BRSK1: variants seen among roughly 807,000 people sequenced by gnomAD.
The protein encoded by BRSK1 is BR serine/threonine kinase 1.
A neutral mutation model predicts 86.2 loss-of-function variants in BRSK1; 17 were observed. The observed-to-expected ratio is 0.20, with a 90% CI of 0.14 to 0.30. The LOEUF is 0.30. BRSK1 is among the 10% of genes least tolerant of loss of function. The pLI is 1.00. For missense variants in BRSK1, 719 were observed against 1,071.9 expected, an observed-to-expected ratio of 0.67 and a Z score of 4.60; for synonymous variants, 464 against 440.1, an observed-to-expected ratio of 1.05 and a Z score of -0.68.
rs1323760896 is a variant in BRSK1 at position 55,284,340 on chromosome 19, G to A, written c.-103G>A. The stretch of plus-strand genomic sequence containing the variant: ...ACCCCCGGAGAGGTGGGGGGCAGCC[G>A]GGGGGGCCGGGACGGAGCGGTCGCC... On this transcript the variant is annotated 5_prime_UTR_variant, in exon 1 of 19. Coordinates refer to ENST00000309383, the MANE Select transcript of BRSK1 (RefSeq NM_032430.2). The A allele has an allele frequency of 8.2e-6, 7 of 848,514 alleles. No homozygotes were observed. Among genetic ancestry groups the A allele is most frequent in the African/African-American group, 3.6e-5 (2 of 55,850 alleles). 52.6% of individuals were successfully genotyped at this position (848,514 alleles called of 1,614,324 possible).
intron 17 of BRSK1, among the ~76,000 whole-genome samples, chr19:55,308,092 C>T (rs2088690722): frequency 6.7e-6 from 1 of 148,706 alleles, no homozygotes; most frequent in African/African-American, 2.5e-5. Flanking sequence ...GTGATCTGGG[C>T]TCACTGCAAC....
chr19:55,298,359 A>T (rs1036938043), intron 7 of BRSK1, among the ~76,000 whole-genome samples: 2 of 150,954 alleles, frequency 1.3e-5, no homozygotes, highest in Non-Finnish European at 2.9e-5. Flanking sequence ...TTTAGTAGAG[A>T]TGGGGTTTCA....
chr19:55,284,225 G>T lies in BRSK1; in HGVS notation c.-218G>T. Reference sequence around the variant, plus strand: ...CCCCGCAGCCCCCCTGGGCCATGCTGACTCCCGGGGCCTGACCCCCCCGGG... The same window carrying T: ...CCCCGCAGCCCCCCTGGGCCATGCTTACTCCCGGGGCCTGACCCCCCCGGG... On this transcript the variant is annotated 5_prime_UTR_variant, in exon 1 of 19. An upstream open reading frame in the 5' UTR loses its in-frame stop. Transcript: ENST00000309383. The T allele has an allele frequency of 1.6e-6, 1 of 607,066 alleles. No individual in the cohort carries two copies. The highest frequency in any genetic ancestry group is 8.3e-5 in the South Asian group (1 of 12,002). The allele number at this position is 607,066 out of a possible 1,614,324, so 37.6% of individuals were successfully genotyped here. A position where few individuals can be genotyped will look rare whatever the true frequency, so the allele number is the denominator to read the frequency against.
At position 55,306,601 on chromosome 19, in the gene BRSK1, G is replaced by T. The variant is rs1031498041; in HGVS notation, c.2089+151G>T. On this transcript the variant is annotated intron_variant, in intron 17 of 18. Coordinates refer to ENST00000309383, the MANE Select transcript of BRSK1 (RefSeq NM_032430.2). This position sits in a 1 kb window ranked among gnomAD's most constrained non-coding sequence, Gnocchi z 4.7. ...TGTGCTCCTCCTGCCCACACAGACC[G>T]CCCCACAAGCCCATCCTCTATTTCC... 9.0e-6 allele frequency: 7 copies of T among 778,268 alleles called. No individual in the cohort carries two copies. Among genetic ancestry groups the T allele is most frequent in the Middle Eastern group, 3.8e-4 (1 of 2,634 alleles). 48.2% of individuals were successfully genotyped at this position (778,268 alleles called of 1,614,324 possible). A position where few individuals can be genotyped will look rare whatever the true frequency, so the allele number is the denominator to read the frequency against.
chr19:55,311,937 C>A lies in BRSK1; in HGVS notation c.2206C>A (p.Pro736Thr), dbSNP rs1421891468. ...ADEKNGAQTR[P>T]AGAPPRSLQP... ...CGAGAAGAACGGGGCCCAGACCCGG[C>A]CTGCTGGTGCCCCACCCCGAAGCCT... Residue 736 changes from proline to threonine, a missense_variant, in exon 19 of 19, where the codon CCT becomes ACT. This residue lies in a region of BRSK1 where 82 missense variants were observed against 72.6 expected (regional missense o/e 1.13). Transcript: ENST00000309383. 3.7e-6 allele frequency: 6 copies of A among 1,611,384 alleles called. No individual in the cohort carries two copies. The highest frequency in any genetic ancestry group is 1.3e-5 in the African/African-American group (1 of 74,860).
chr19:55,288,326 A>G (rs1413599435), intron 3 of BRSK1, among the ~76,000 whole-genome samples: 1 of 151,750 alleles, frequency 6.6e-6, no homozygotes, highest in Non-Finnish European at 1.5e-5. Flanking sequence ...AAATACAAAA[A>G]TTAGCTGAGT....
chr19:55,289,329 T>A (rs909124523), intron 3 of BRSK1, 151 bp from the exon 4 acceptor site: 35 of 891,584 alleles, frequency 3.9e-5, no homozygotes, highest in Non-Finnish European at 5.7e-5. Context: ...AGTCTCTTCC[T>A]CCCAGGGACC....
chr19:55,292,696 T>A (rs2088426159), intron 4 of BRSK1, among the ~76,000 whole-genome samples: 1 of 151,534 alleles, frequency 6.6e-6, no homozygotes, highest in Non-Finnish European at 1.5e-5. Context: ...TAGCTGGGCG[T>A]GGTGGCACAT....
At position 55,304,412 on chromosome 19, in the gene BRSK1, G is replaced by A. The variant is rs1371126979; in HGVS notation, c.1348-139G>A. On this transcript the variant is annotated intron_variant, in intron 13 of 18. Transcript: ENST00000309383. This position sits in a 1 kb window ranked among gnomAD's most constrained non-coding sequence, Gnocchi z 5.2. ...AAGTCTTTGCTATCCTTGCTCTGGG[G>A]CCTGGGAAGGAGGATACTTGGACTA... 9.9e-6 allele frequency: 11 copies of A among 1,111,270 alleles called. No individual in the cohort carries two copies. In the East Asian group the frequency reaches 2.7e-4, roughly 27 times the overall value. 68.8% of individuals were successfully genotyped at this position (1,111,270 alleles called of 1,614,324 possible).
chr19:55,303,450 G>T lies in BRSK1; in HGVS notation c.1126+42G>T. 1 of 1,593,950 alleles carries T rather than the reference G, an allele frequency of 6.3e-7. No individual in the cohort carries two copies. Among genetic ancestry groups the T allele is most frequent in the East Asian group, 2.2e-5 (1 of 44,760 alleles). Reference sequence around the variant, plus strand: ...AGGGGACCAGACACCTGGGTCTCGAGATTGGAAGAGGCTGGCCACGGGGAC... The same window carrying T: ...AGGGGACCAGACACCTGGGTCTCGATATTGGAAGAGGCTGGCCACGGGGAC... On this transcript the variant is annotated intron_variant, in intron 11 of 18. Coordinates refer to ENST00000309383, the MANE Select transcript of BRSK1 (RefSeq NM_032430.2). The surrounding 1 kb of genome is among the most constrained non-coding windows in gnomAD (Gnocchi z 5.1).
At chr19:55,311,883 C>G (rs1348892591) in intron 18 of BRSK1, 28 bp from the exon 19 acceptor site, 1 of 1,608,538 alleles carries the variant, frequency 6.2e-7, no homozygotes, top group African/African-American at 1.3e-5. Flanking sequence ...GCTGCGGAAC[C>G]CACGAAAAAC....
intron 7 of BRSK1, among the ~76,000 whole-genome samples, 168 bp from the exon 8 acceptor site, chr19:55,301,344 A>C (rs192425923): frequency 2.2e-4 from 34 of 152,320 alleles, no homozygotes; most frequent in Admixed American, 3.9e-4. Flanking sequence ...CTCCTTGCCA[A>C]GTGCCTGCTG....
Position 55,289,583 on chromosome 19 carries a change from G to A in BRSK1, c.421G>A (p.Val141Met). The A allele has an allele frequency of 6.2e-7, 1 of 1,614,176 alleles. No individual in the cohort carries two copies. The highest frequency in any genetic ancestry group is 1.1e-5 in the South Asian group (1 of 91,080). The change falls in exon 4 of 19, where the codon GTG (valine) becomes ATG (methionine). Residue 141 changes from valine (V) to methionine (M), a missense_variant. Transcript: ENST00000309383. Reference sequence around the variant, plus strand: ...GGCCCGAAAGTTCTTCCGCCAGATTGTGTCTGCGCTGGACTTCTGCCACAG... The same window carrying A: ...GGCCCGAAAGTTCTTCCGCCAGATTATGTCTGCGCTGGACTTCTGCCACAG... ...KEARKFFRQI[V>M]SALDFCHSYS... is the part of the protein sequence containing the mutation.
chr19:55,286,868 T>A (rs1190632320), intron 1 of BRSK1, 139 bp from the exon 2 acceptor site: 1 of 705,826 alleles, frequency 1.4e-6, no homozygotes, highest in African/African-American at 1.8e-5. Context: ...CCCCAGGAGT[T>A]CAGGTCTGAT....
chr19:55,308,754 G>T, intron 18 of BRSK1, 26 bp downstream of exon 18: 1 of 608,656 alleles, frequency 1.6e-6, no homozygotes, highest in Non-Finnish European at 2.6e-6. Flanking sequence ...GTGGGTGGTG[G>T]GGGGCGTGGG....
Position 55,287,377 on chromosome 19 carries a change from G to A in BRSK1, c.317+78G>A, listed in dbSNP as rs776545069. The A allele has an allele frequency of 1.1e-4, 154 of 1,393,002 alleles. No individual in the cohort carries two copies. Among genetic ancestry groups the A allele is most frequent in the Non-Finnish European group, 1.5e-4 (146 of 985,138 alleles). 86.3% of individuals were successfully genotyped at this position (1,393,002 alleles called of 1,614,324 possible). On this transcript the variant is annotated intron_variant, in intron 3 of 18. Transcript: ENST00000309383. The surrounding 1 kb of genome is among the most constrained non-coding windows in gnomAD (Gnocchi z 5.3). ...AGGGTGGGACTTCTCCAGAAACAGG[G>A]CCTAGGGGGACCTGGGGGACCTGCA...
At chr19:55,293,288 G>A (rs1194264228) in intron 4 of BRSK1, among the ~76,000 whole-genome samples, 1 of 152,138 alleles carries the variant, frequency 6.6e-6, no homozygotes, top group Non-Finnish European at 1.5e-5. Context: ...CCGAGATCAC[G>A]CCATTGCACT....
At chr19:55,301,762 C>A in intron 8 of BRSK1, 104 bp downstream of exon 8, 2 of 1,350,854 alleles carry the variant, frequency 1.5e-6, no homozygotes, top group Non-Finnish European at 1.0e-6. Context: ...CTCGTCAGTC[C>A]CCAGGGTGAC....
In BRSK1 at chr19:55,302,554, C is replaced by T; in HGVS notation, c.858-143C>T. The T allele has an allele frequency of 2.7e-6, 3 of 1,104,476 alleles. No homozygotes were observed. The highest frequency in any genetic ancestry group is 3.9e-6 in the Non-Finnish European group (3 of 767,640). The allele number at this position is 1,104,476 out of a possible 1,614,324, so 68.4% of individuals were successfully genotyped here. ...CTGGGTCTGAGATGGGGGGCGAGGT[C>T]TGGGGCGTCTGGATTCCTGGGTATG... On this transcript the variant is annotated intron_variant, in intron 9 of 18. Coordinates refer to ENST00000309383, the MANE Select transcript of BRSK1 (RefSeq NM_032430.2). The surrounding 1 kb of genome is among the most constrained non-coding windows in gnomAD (Gnocchi z 6.3).
Sources: allele counts gnomAD v4.1 joint callset (sites outside exome capture counted in the v4.1 genomes callset), GRCh38; gene constraint gnomAD v4.1.1; regional missense constraint gnomAD v4.1.1; non-coding constraint Gnocchi (gnomAD v3.1); transcripts MANE v1.5; gene names NCBI Gene and HGNC (gene_info 2026-07-23, HGNC 2026-07-21).